The following GRIP1 variants were observed in gnomAD, a reference collection of about 807,000 sequenced individuals.
GRIP1 encodes the protein glutamate receptor-interacting protein 1.
GRIP1 carries 45 observed loss-of-function variants against 129.9 expected under a neutral mutation model. The observed-to-expected ratio is 0.35, with a 90% CI of 0.27 to 0.44. The LOEUF is 0.44. Among genes scored for constraint, GRIP1 ranks in the 20% least tolerant of loss-of-function variants. GRIP1 has a pLI of 1.00. For synonymous variants in GRIP1, 530 were observed against 520.8 expected, an observed-to-expected ratio of 1.02 and a Z score of -0.24; for missense variants, 1,196 against 1,396.8, an observed-to-expected ratio of 0.86 and a Z score of 2.29.
chr12:66,993,082 C>G (rs1051732115), intron 1 of GRIP1, among the ~76,000 whole-genome samples: 69 of 150,680 alleles, frequency 4.6e-4, no homozygotes, highest in African/African-American at 1.6e-3. Flanking sequence ...TTACTGCACT[C>G]CAGCCTGGAA....
At chr12:66,943,648 T>C (rs1452838676) in intron 1 of GRIP1, among the ~76,000 whole-genome samples, 2 of 152,308 alleles carry the variant, frequency 1.3e-5, no homozygotes, top group South Asian at 4.1e-4. Context: ...TTACAGATCA[T>C]TCTGCTTGTG....
At chr12:67,069,101 C>A in exon 1 of GRIP1, 1 of 985,030 alleles carries the variant, frequency 1.0e-6, no homozygotes. Context: ...TTCTTCCAGC[C>A]GGGCATGGTG....
intron 1 of GRIP1, among the ~76,000 whole-genome samples, chr12:66,971,554 T>C (rs1232974581): frequency 6.6e-6 from 1 of 152,130 alleles, no homozygotes; most frequent in Non-Finnish European, 1.5e-5. Flanking sequence ...AACTGGATAG[T>C]AAGGTATGGT....
intron 1 of GRIP1, among the ~76,000 whole-genome samples, chr12:66,690,472 G>A (rs2034941902): frequency 6.6e-6 from 1 of 151,484 alleles, no homozygotes; most frequent in Non-Finnish European, 1.5e-5. Flanking sequence ...TGGCTACTGT[G>A]CAATTAACAC....
At chr12:66,755,573 C>G (rs2037262104) in intron 1 of GRIP1, among the ~76,000 whole-genome samples, 1 of 152,214 alleles carries the variant, frequency 6.6e-6, no homozygotes, top group Non-Finnish European at 1.5e-5. Flanking sequence ...CTTCCTCCCA[C>G]CTGGGGAACT....
At chr12:66,749,066 G>C (rs1164930410) in intron 1 of GRIP1, among the ~76,000 whole-genome samples, 5 of 152,188 alleles carry the variant, frequency 3.3e-5, no homozygotes, top group Non-Finnish European at 7.3e-5. Context: ...GAGACTGCTA[G>C]TTGCCCGCAA....
intron 1 of GRIP1, among the ~76,000 whole-genome samples, chr12:67,051,363 TAGA>T (rs75094458): frequency 0.13 from 19,185 of 152,156 alleles, 1,479 homozygotes; most frequent in East Asian, 0.21. Flanking sequence ...TCCACTATGA[TAGA>T]AGAAGTTTTA....
intron 1 of GRIP1, among the ~76,000 whole-genome samples, chr12:66,665,450 A>G (rs551714230): frequency 3.3e-4 from 51 of 152,314 alleles, no homozygotes; most frequent in African/African-American, 1.2e-3. Context: ...TGGTATCCCC[A>G]TAAGTGTGTG....
At chr12:66,622,470 A>T (rs1325529355) in intron 1 of GRIP1, among the ~76,000 whole-genome samples, 8 of 152,120 alleles carry the variant, frequency 5.3e-5, no homozygotes, top group Non-Finnish European at 1.2e-4. Context: ...GATGCTGGAT[A>T]CCCCATTTAC....
chr12:67,010,379 T>C (rs1050044866), intron 1 of GRIP1, among the ~76,000 whole-genome samples: 1 of 152,158 alleles, frequency 6.6e-6, no homozygotes, highest in Non-Finnish European at 1.5e-5. Context: ...AACAGTATTA[T>C]ATACAGCTTC....
chr12:66,567,654 G>A (rs1293516528), intron 2 of GRIP1: 3 of 216,826 alleles, frequency 1.4e-5, no homozygotes, highest in East Asian at 2.2e-4. Flanking sequence ...CATCTTCTTG[G>A]TATCTACAAA....
At chr12:66,818,998 T>TA (rs2136977967) in intron 1 of GRIP1, among the ~76,000 whole-genome samples, 1 of 152,354 alleles carries the variant, frequency 6.6e-6, no homozygotes, top group South Asian at 2.1e-4. Flanking sequence ...GAAGTACAAA[T>TA]ACTAACAATG....
At chr12:66,660,958 T>C (rs2033464545) in intron 1 of GRIP1, among the ~76,000 whole-genome samples, 1 of 152,042 alleles carries the variant, frequency 6.6e-6, no homozygotes, top group African/African-American at 2.4e-5. Context: ...TACAAATATA[T>C]CATCTTATCT....
intron 1 of GRIP1, among the ~76,000 whole-genome samples, chr12:67,011,998 A>C (rs2042715473): frequency 6.6e-6 from 1 of 152,108 alleles, no homozygotes; most frequent in South Asian, 2.1e-4. Flanking sequence ...TCTGTACTAG[A>C]CTCTAAGCTG....
intron 23 of GRIP1, among the ~76,000 whole-genome samples, chr12:66,358,258 G>A (rs1359280862): frequency 6.6e-6 from 1 of 151,902 alleles, no homozygotes; most frequent in East Asian, 1.9e-4. Context: ...TCTCATCTTT[G>A]GCCACAGGAA....
intron 1 of GRIP1, among the ~76,000 whole-genome samples, chr12:66,812,115 T>C (rs963010346): frequency 6.6e-6 from 1 of 152,160 alleles, no homozygotes; most frequent in Non-Finnish European, 1.5e-5. Context: ...CATTTCTGCC[T>C]CTCCTTTTTA....
chr12:67,067,886 C>T (rs1008850293), intron 1 of GRIP1, among the ~76,000 whole-genome samples: 16 of 152,202 alleles, frequency 1.1e-4, no homozygotes, highest in Non-Finnish European at 1.9e-4. Context: ...CACCTACCCA[C>T]GCTGCGCCGC....
chr12:67,041,781 A>C (rs897663145), intron 1 of GRIP1, among the ~76,000 whole-genome samples: 7 of 151,718 alleles, frequency 4.6e-5, no homozygotes, highest in Admixed American at 4.6e-4. Flanking sequence ...AAAAAAAAAA[A>C]CAACCCTGTA....
At chr12:66,858,050 G>A (rs77029219) in intron 1 of GRIP1, among the ~76,000 whole-genome samples, 5,564 of 150,576 alleles carry the variant, frequency 0.037, 106 homozygotes, top group Middle Eastern at 0.071. Flanking sequence ...TGCTTTCCAG[G>A]GCAAGTCTCT....
Sources: gnomAD v4.1 joint callset for allele counts (sites outside exome capture counted in the v4.1 genomes callset) on GRCh38, gnomAD v4.1.1 for gene constraint, MANE v1.5 for transcripts, NCBI Gene and HGNC (gene_info 2026-07-23, HGNC 2026-07-21) for gene names.